GNAZ: variants seen among roughly 807,000 people sequenced by gnomAD.
GNAZ encodes the protein guanine nucleotide-binding protein G(z) subunit alpha.
A neutral mutation model predicts 25.4 loss-of-function variants in GNAZ; 3 were observed. The ratio of observed to expected loss-of-function variants is 0.12; its 90% CI spans 0.05 to 0.30. The LOEUF (loss-of-function observed/expected upper bound fraction) is 0.30. Among genes scored for constraint, GNAZ ranks in the 10% least tolerant of loss-of-function variants. The pLI, the probability that GNAZ is intolerant of heterozygous loss-of-function variation, is 1.00. For synonymous variants in GNAZ, 211 were observed against 205.7 expected (o/e 1.03, Z -0.22); for missense variants, 241 against 501.8 (o/e 0.48, Z 4.97).
intron 1 of GNAZ, among the ~76,000 whole-genome samples, chr22:23,083,953 T>C (rs374653720): frequency 6.6e-6 from 1 of 152,034 alleles, no homozygotes; most frequent in South Asian, 2.1e-4. Context: ...TTCAGCCAGG[T>C]GGGGTGGAAC....
chr22:23,072,181 C>G (rs1297090367), intron 1 of GNAZ, among the ~76,000 whole-genome samples: 1 of 152,122 alleles, frequency 6.6e-6, no homozygotes, highest in Non-Finnish European at 1.5e-5. Flanking sequence ...AGGCAACCCC[C>G]TTGTTAGGAT....
At chr22:23,086,096 C>T (rs2068813929) in intron 1 of GNAZ, among the ~76,000 whole-genome samples, 1 of 152,250 alleles carries the variant, frequency 6.6e-6, no homozygotes, top group Non-Finnish European at 1.5e-5. Flanking sequence ...GTGACCCTGG[C>T]TTTCCACTGA....
At position 23,096,067 on chromosome 22, in the gene GNAZ, G is replaced by T; in HGVS notation, c.372G>T (p.Leu124=). 6.2e-7 allele frequency: 1 copy of T among 1,608,220 alleles called. No homozygotes were observed. The highest frequency in any genetic ancestry group is 1.1e-5 in the South Asian group (1 of 91,074). ...GCAAGGGCGAGATCACACCCGAGCT[G>T]CTGGGTGTCATGCGACGGCTCTGGG... ...AESKGEITPE[L]LGVMRRLWAD... The change falls in exon 2 of 3, where the codon CTG becomes CTT. Residue 124 remains leucine, a synonymous_variant. Coordinates refer to ENST00000615612, the MANE Select transcript of GNAZ (RefSeq NM_002073.4).
chr22:23,080,080 G>A lies in GNAZ; in HGVS notation c.-450+9510G>A, dbSNP rs368904728. Among the ~76,000 whole-genome samples the A allele has an allele frequency of 6.6e-5, 10 of 152,324 alleles. No homozygotes were observed. The South Asian group carries it at 8.3e-4, about 13-fold the overall frequency. ...TGGGGCTACGGCTCTCTCCAAGGCA[G>A]CAACCTCTTTGATTTGGCTCTTAAT... On this transcript the variant is annotated intron_variant, in intron 1 of 2. Coordinates refer to ENST00000615612, the MANE Select transcript of GNAZ (RefSeq NM_002073.4).
Position 23,124,090 on chromosome 22 carries a change from G to T in GNAZ, c.*659G>T, listed in dbSNP as rs780574569. ...GCAGCAAAAACCAATACAACAAAAC[G>T]AGTGGCACGATTTATTTCAAACTAG... is the stretch of plus-strand genomic sequence containing the variant. On this transcript the variant is annotated 3_prime_UTR_variant, in exon 3 of 3. Transcript: ENST00000615612. 6 of 216,870 alleles carry T rather than the reference G, an allele frequency of 2.8e-5. No individual in the cohort carries two copies. In the South Asian group the frequency reaches 3.1e-4, roughly 11 times the overall value. The allele number at this position is 216,870 out of a possible 1,614,324, so 13.4% of individuals were successfully genotyped here.
At chr22:23,092,892 C>T (rs781476619) in intron 1 of GNAZ, among the ~76,000 whole-genome samples, 18 of 152,356 alleles carry the variant, frequency 1.2e-4, no homozygotes, top group Non-Finnish European at 2.2e-4. Context: ...ACAGAGGACA[C>T]CTCCCACTGG....
At chr22:23,119,541 C>T (rs1354821690) in intron 2 of GNAZ, among the ~76,000 whole-genome samples, 1 of 152,250 alleles carries the variant, frequency 6.6e-6, no homozygotes, top group Non-Finnish European at 1.5e-5. Context: ...CTGCCAGCAC[C>T]ACACTGTCCC....
intron 2 of GNAZ, among the ~76,000 whole-genome samples, chr22:23,101,461 G>T (rs1340110349): frequency 6.6e-6 from 1 of 152,162 alleles, no homozygotes; most frequent in Non-Finnish European, 1.5e-5. Flanking sequence ...CTTGGGAGAG[G>T]TGAGTGGCTG....
chr22:23,076,165 C>T (rs749274635), intron 1 of GNAZ, among the ~76,000 whole-genome samples: 3 of 152,170 alleles, frequency 2.0e-5, no homozygotes, highest in Non-Finnish European at 2.9e-5. Context: ...TGTAGAACAG[C>T]GCCATGTTCC....
intron 2 of GNAZ, among the ~76,000 whole-genome samples, chr22:23,103,860 T>A (rs1012822483): frequency 7.9e-5 from 12 of 152,048 alleles, no homozygotes; most frequent in African/African-American, 2.7e-4. Context: ...TAGCCAGGGC[T>A]GGCCTCAGGC....
intron 2 of GNAZ, among the ~76,000 whole-genome samples, chr22:23,108,955 AC>A (rs2069564506): frequency 6.6e-6 from 1 of 152,180 alleles, no homozygotes; most frequent in Non-Finnish European, 1.5e-5. Flanking sequence ...TCTGAGGGTG[AC>A]CAGTGGGGGT....
At chr22:23,111,168 A>G (rs183591712) in intron 2 of GNAZ, among the ~76,000 whole-genome samples, 33 of 152,250 alleles carry the variant, frequency 2.2e-4, no homozygotes, top group Middle Eastern at 3.4e-3. Context: ...GAGTGGCCTC[A>G]CTGTCTGCCT....
At chr22:23,110,667 C>T (rs1412387986) in intron 2 of GNAZ, among the ~76,000 whole-genome samples, 4 of 152,264 alleles carry the variant, frequency 2.6e-5, no homozygotes, top group African/African-American at 9.6e-5. Flanking sequence ...GCTTCACCTG[C>T]CACTGGTCTG....
chr22:23,111,713 C>T (rs1461017758), intron 2 of GNAZ, among the ~76,000 whole-genome samples: 1 of 152,246 alleles, frequency 6.6e-6, no homozygotes, highest in African/African-American at 2.4e-5. Context: ...GAACACAAGA[C>T]AGCCAGTACC....
chr22:23,100,533 C>A (rs762113387), intron 2 of GNAZ, among the ~76,000 whole-genome samples: 1 of 152,234 alleles, frequency 6.6e-6, no homozygotes, highest in Non-Finnish European at 1.5e-5. Context: ...AGCCTCCAGG[C>A]AGGTGGTCTA....
Position 23,095,954 on chromosome 22 carries a change from G to T in GNAZ, c.259G>T (p.Ala87Ser). ...AIDSLTRIIR[A>S]LAALRIDFHN... is the part of the protein sequence containing the mutation. ...CGACTCGCTGACCCGCATCATCCGG[G>T]CCCTGGCCGCCCTCAGGATCGACTT... The change falls in exon 2 of 3, where the codon GCC becomes TCC. Residue 87 changes from alanine (A) to serine (S), a missense_variant. By Grantham distance (99) the Ala-to-Ser change is moderately conservative. Transcript: ENST00000615612. The T allele has an allele frequency of 6.2e-7, 1 of 1,612,242 alleles. No homozygotes were observed. Among genetic ancestry groups the T allele is most frequent in the South Asian group, 1.1e-5 (1 of 91,086 alleles).
chr22:23,108,081 G>C (rs1486080752), intron 2 of GNAZ, among the ~76,000 whole-genome samples: 3 of 152,226 alleles, frequency 2.0e-5, no homozygotes. Context: ...CAGCCCATCT[G>C]TGGGCCAGGA....
chr22:23,099,739 C>T (rs1374094612), intron 2 of GNAZ, among the ~76,000 whole-genome samples: 2 of 152,212 alleles, frequency 1.3e-5, no homozygotes, highest in African/African-American at 4.8e-5. Context: ...GGTCAGTCAG[C>T]AAAGACAGTC....
At chr22:23,084,526 A>C (rs900408523) in intron 1 of GNAZ, among the ~76,000 whole-genome samples, 8 of 152,218 alleles carry the variant, frequency 5.3e-5, no homozygotes, top group African/African-American at 1.9e-4. Context: ...TTGTATCAAA[A>C]GCCTTAAACC....
Sources: allele counts gnomAD v4.1 joint callset (sites outside exome capture counted in the v4.1 genomes callset), GRCh38; gene constraint gnomAD v4.1.1; transcripts MANE v1.5; gene names NCBI Gene and HGNC (gene_info 2026-07-23, HGNC 2026-07-21).